The following HOXA3 variants were observed in gnomAD, a reference collection of about 807,000 sequenced individuals.
HOXA3 encodes the protein homeobox A3, also known as homeobox protein Hox-A3.
Under a neutral mutation model 30.3 loss-of-function variants are expected in HOXA3, and 8 were observed. The ratio of observed to expected loss-of-function variants is 0.26; its 90% CI spans 0.15 to 0.48. The LOEUF (loss-of-function observed/expected upper bound fraction) is 0.48. Among genes scored for constraint, HOXA3 ranks in the 20% least tolerant of loss-of-function variants. HOXA3 has a pLI of 0.99. For missense variants in HOXA3, 653 were observed against 614.4 expected, an observed-to-expected ratio of 1.06 and a Z score of -0.66; for synonymous variants, 323 against 273.1, an observed-to-expected ratio of 1.18 and a Z score of -1.80.
chr7:27,144,843 G>A (rs571308190), intron 1 of HOXA3, among the ~76,000 whole-genome samples: 22 of 152,332 alleles, frequency 1.4e-4, no homozygotes, highest in African/African-American at 5.3e-4. Flanking sequence ...CCCCTGGCAC[G>A]TCTGGAAGCC....
At position 27,108,785 on chromosome 7, in the gene HOXA3, C is replaced by A. The variant is rs563745780; in HGVS notation, c.527-65G>T. The A allele has an allele frequency of 3.2e-4, 418 of 1,289,274 alleles. No individual in the cohort carries two copies. Among genetic ancestry groups the A allele is most frequent in the Non-Finnish European group, 4.1e-4 (393 of 948,050 alleles). 79.9% of individuals were successfully genotyped at this position (1,289,274 alleles called of 1,614,324 possible). A position where few individuals can be genotyped will look rare whatever the true frequency, so the allele number is the denominator to read the frequency against. ...CCGCGGCCCCGCCCAGCCCCTGACC[C>A]AGCCCGGCCCCTCCTTCCACCAGGC... On this transcript the variant is annotated intron_variant, in intron 5 of 5. Transcript: ENST00000612286. This position sits in a 1 kb window ranked among gnomAD's most constrained non-coding sequence, Gnocchi z 5.0.
At chr7:27,128,299 C>G (rs1785369126) in intron 2 of HOXA3, 1 of 152,202 alleles carries the variant, frequency 6.6e-6, no homozygotes, top group Non-Finnish European at 1.5e-5. Flanking sequence ...AGCCTTCCTA[C>G]TCTTTGGAAC....
At chr7:27,131,616 C>T (rs1436953672) in intron 2 of HOXA3, among the ~76,000 whole-genome samples, 2 of 152,090 alleles carry the variant, frequency 1.3e-5, no homozygotes, top group African/African-American at 4.8e-5. Flanking sequence ...TAAATATGCC[C>T]GCATTTACTA....
At chr7:27,151,344 C>T (rs1782966119) in intron 1 of HOXA3, 2 of 333,246 alleles carry the variant, frequency 6.0e-6, no homozygotes, top group African/African-American at 4.4e-5. Context: ...TGCGCTTCCT[C>T]CCGGGCAGCT....
Position 27,110,263 on chromosome 7 carries a change from G to C in HOXA3, c.378C>G (p.Ser126=), listed in dbSNP as rs1339779300. 1.9e-6 allele frequency: 3 copies of C among 1,613,228 alleles called. No individual in the cohort carries two copies. Among genetic ancestry groups the C allele is most frequent in the Non-Finnish European group, 1.7e-6 (2 of 1,179,608 alleles). Residue 126 remains serine, a synonymous_variant, in exon 5 of 6, where the codon TCC becomes TCG. Transcript: ENST00000612286. ...PAAPPPPSSA[S]PPQNASNNPT... is the part of the protein sequence containing the mutation. ...GGTTGTTGCTGGCATTCTGAGGAGG[G>C]GAGGCAGAAGAGGGAGGCGGGGGCG...
intron 2 of HOXA3, chr7:27,129,111 G>T: frequency 1.3e-6 from 1 of 757,428 alleles, no homozygotes; most frequent in Non-Finnish European, 2.4e-6. Flanking sequence ...ACCAATTTGG[G>T]TTTGTTTTGG....
intron 2 of HOXA3, chr7:27,130,341 A>C (rs1209506088): frequency 6.3e-6 from 7 of 1,117,122 alleles, no homozygotes; most frequent in Non-Finnish European, 7.7e-6. Flanking sequence ...CGTGGCTCGC[A>C]TGCAGGCCGT....
intron 2 of HOXA3, chr7:27,129,960 G>C (rs1461142802): frequency 1.3e-6 from 1 of 790,690 alleles, no homozygotes; most frequent in Non-Finnish European, 2.0e-6. Flanking sequence ...CAGGCGGCTG[G>C]CTGGCGCGCA....
At chr7:27,146,033 C>T in intron 1 of HOXA3, 1 of 1,202,418 alleles carries the variant, frequency 8.3e-7, no homozygotes. Context: ...TCCACTCCAG[C>T]CTCTCCCACT....
chr7:27,120,814 A>G (rs974659636), intron 4 of HOXA3: 22 of 152,248 alleles, frequency 1.4e-4, no homozygotes, highest in African/African-American at 4.8e-4. Flanking sequence ...TCTATGAGAG[A>G]TCTTGGCCTG....
At chr7:27,121,222 T>C (rs1050807165) in intron 4 of HOXA3, 1 of 98,500 alleles carries the variant, frequency 1.0e-5, no homozygotes, top group Non-Finnish European at 2.1e-5. Flanking sequence ...ACTGTGTGCG[T>C]GTGTGTGTGT....
chr7:27,125,452 A>G (rs1372559757), intron 3 of HOXA3, among the ~76,000 whole-genome samples: 2 of 152,242 alleles, frequency 1.3e-5, no homozygotes, highest in Non-Finnish European at 2.9e-5. Context: ...AGAGTTCTGT[A>G]AGTTGCAGCC....
intron 1 of HOXA3, chr7:27,150,137 A>ATGATGTTGGCAGCTGACCAAT (rs141962199): frequency 3.9e-5 from 6 of 152,134 alleles, no homozygotes; most frequent in East Asian, 1.9e-4. Context: ...GCTAGTGCAT[A>ATGATGTTGGCAGCTGACCAAT]TCATTTCTCC....
intron 1 of HOXA3, chr7:27,142,168 G>A (rs559717520): frequency 1.3e-6 from 2 of 1,482,558 alleles, no homozygotes; most frequent in Admixed American, 4.5e-5. Context: ...TCATGAGCAG[G>A]GAACCCAGGC....
chr7:27,128,254 G>C (rs923057458), intron 2 of HOXA3: 2 of 152,222 alleles, frequency 1.3e-5, no homozygotes, highest in Non-Finnish European at 1.5e-5. Flanking sequence ...GCCTGGCCAA[G>C]TTTGGGAAGA....
In HOXA3 at chr7:27,142,188, A is replaced by G. The variant is rs528649841; in HGVS notation, c.-493-2002T>C. On this transcript the variant is annotated intron_variant, in intron 1 of 5. Coordinates refer to ENST00000612286, the MANE Select transcript of HOXA3 (RefSeq NM_153631.3). ...AGCAGGGAACCCAGGCGAAAAGCTCAACAAGTTCTGCCTACCAGCCCGCAC... is the reference window on the plus strand; with the variant it reads ...AGCAGGGAACCCAGGCGAAAAGCTCGACAAGTTCTGCCTACCAGCCCGCAC... 17 of 1,322,778 alleles carry G rather than the reference A, an allele frequency of 1.3e-5. No homozygotes were observed. The African/African-American group carries it at 2.1e-4, about 16-fold the overall frequency. The allele number at this position is 1,322,778 out of a possible 1,614,324, so 81.9% of individuals were successfully genotyped here.
Position 27,113,680 on chromosome 7 carries a change from C to G in HOXA3, c.-120-2920G>C, listed in dbSNP as rs975399750. ...CAGGCTCCGACACGGGCTCTGGCCCCCGGCCTGGCTTGGCGGCCCGGCCGG... is the reference window on the plus strand; with the variant it reads ...CAGGCTCCGACACGGGCTCTGGCCCGCGGCCTGGCTTGGCGGCCCGGCCGG... On this transcript the variant is annotated intron_variant, in intron 4 of 5. Coordinates refer to ENST00000612286, the MANE Select transcript of HOXA3 (RefSeq NM_153631.3). This position sits in a 1 kb window ranked among gnomAD's most constrained non-coding sequence, Gnocchi z 4.8. 1 of 152,294 alleles carries G rather than the reference C, an allele frequency of 6.6e-6. No individual in the cohort carries two copies. Among genetic ancestry groups the G allele is most frequent in the African/African-American group, 2.4e-5 (1 of 41,464 alleles). The allele number at this position is 152,294 out of a possible 1,614,324, so 9.4% of individuals were successfully genotyped here.
intron 2 of HOXA3, among the ~76,000 whole-genome samples, chr7:27,131,917 CG>C (rs1326412981): frequency 6.6e-6 from 1 of 152,172 alleles, no homozygotes; most frequent in Admixed American, 6.5e-5. Flanking sequence ...AGCGTATTAA[CG>C]ATATCAGAAG....
intron 1 of HOXA3, among the ~76,000 whole-genome samples, chr7:27,146,296 C>T (rs1214273740): frequency 6.6e-6 from 1 of 150,898 alleles, no homozygotes; most frequent in Admixed American, 6.6e-5. Flanking sequence ...GGTGTGGAAC[C>T]ATGTAAGTAG....
Sources: gnomAD v4.1 joint callset for allele counts (sites outside exome capture counted in the v4.1 genomes callset) on GRCh38, gnomAD v4.1.1 for gene constraint, Gnocchi (gnomAD v3.1) non-coding constraint, MANE v1.5 for transcripts, NCBI Gene and HGNC (gene_info 2026-07-23, HGNC 2026-07-21) for gene names.